TGFBI: variants seen among roughly 807,000 people sequenced by gnomAD.
TGFBI encodes the protein transforming growth factor beta induced, also known as transforming growth factor-beta-induced protein ig-h3.
TGFBI carries 50 observed loss-of-function variants against 73.7 expected under a neutral mutation model. The observed-to-expected ratio is 0.68, with a 90% CI of 0.54 to 0.86. TGFBI has a LOEUF of 0.86. Ranked by LOEUF, TGFBI falls within the 40% of genes least tolerant of loss-of-function variation. TGFBI has a pLI of 0.00. For synonymous variants in TGFBI, 362 were observed against 360.5 expected, an observed-to-expected ratio of 1.00 and a Z score of -0.05; for missense variants, 839 against 877.0, an observed-to-expected ratio of 0.96 and a Z score of 0.55.
chr5:136,054,073 A>G lies in TGFBI; in HGVS notation c.1257A>G (p.Val419=), dbSNP rs1751584015. ...CCCTCCTGGCTCCCCTGAATTCTGT[A>G]TTCAAAGGTAACATGGGGAAGGCAT... is the stretch of plus-strand genomic sequence containing the variant. ...RLTLLAPLNS[V]FKDGTPPIDA... Residue 419 remains valine (V), a synonymous_variant, in exon 9 of 17, where the codon GTA becomes GTG. Coordinates refer to ENST00000442011, the MANE Select transcript of TGFBI (RefSeq NM_000358.3). The G allele has an allele frequency of 1.2e-6, 2 of 1,612,634 alleles. No homozygotes were observed. Among genetic ancestry groups the G allele is most frequent in the Non-Finnish European group, 1.7e-6 (2 of 1,178,900 alleles).
intron 2 of TGFBI, among the ~76,000 whole-genome samples, 178 bp downstream of exon 2, chr5:136,034,039 G>A (rs890676374): frequency 1.3e-5 from 2 of 152,092 alleles, no homozygotes; most frequent in Non-Finnish European, 2.9e-5. Flanking sequence ...GGCCAATTTT[G>A]TTTTGCATTT....
At chr5:136,058,307 C>G (rs879288307) in intron 12 of TGFBI, among the ~76,000 whole-genome samples, 2 of 152,172 alleles carry the variant, frequency 1.3e-5, no homozygotes, top group Non-Finnish European at 2.9e-5. Context: ...AATAGCTGTT[C>G]ATAAGCCCTG....
Position 136,055,771 on chromosome 5 carries a change from C to A in TGFBI, c.1502C>A (p.Pro501Gln). ...ACGATGGACCGGGTGCTGACCCCCCCAATGGGGACTGTCATGGATGTCCTG... is the reference window on the plus strand; with the variant it reads ...ACGATGGACCGGGTGCTGACCCCCCAAATGGGGACTGTCATGGATGTCCTG... The part of the protein sequence containing the change: ...LFTMDRVLTP[P>Q]MGTVMDVLKG... Residue 501 changes from proline to glutamine, a missense_variant, in exon 11 of 17, where the codon CCA (proline) becomes CAA (glutamine). By Grantham distance (76) the Pro-to-Gln change is moderately conservative. Coordinates refer to ENST00000442011, the MANE Select transcript of TGFBI (RefSeq NM_000358.3). 1 of 1,612,716 alleles carries A rather than the reference C, an allele frequency of 6.2e-7. No homozygotes were observed. The highest frequency in any genetic ancestry group is 8.5e-7 in the Non-Finnish European group (1 of 1,179,088).
intron 10 of TGFBI, 150 bp from the exon 11 acceptor site, chr5:136,055,530 A>G: frequency 1.6e-6 from 1 of 642,458 alleles, no homozygotes; most frequent in Non-Finnish European, 2.3e-6. Context: ...TGGAGAAAAT[A>G]CATCATTTTA....
In TGFBI at chr5:136,054,166, AG is replaced by A. The variant is rs961713768; in HGVS notation, c.1264+87del. The A allele has an allele frequency of 2.6e-6, 4 of 1,534,380 alleles. No homozygotes were observed. In the African/African-American group the frequency reaches 4.1e-5, roughly 16 times the overall value. On this transcript the variant is annotated intron_variant, in intron 9 of 16. Transcript: ENST00000442011. ...ACCTCCACAACACTCTCCGATTTAC[AG>A]CACCCCATGGGACATTAGAACTTCC...
At chr5:136,057,120 G>GA (rs1392855240) in intron 12 of TGFBI, among the ~76,000 whole-genome samples, 2 of 152,118 alleles carry the variant, frequency 1.3e-5, no homozygotes, top group Non-Finnish European at 2.9e-5. Context: ...ATGCAAGGGG[G>GA]ACCACTCAGC....
intron 6 of TGFBI, 55 bp from the exon 7 acceptor site, chr5:136,049,384 C>G (rs1751491343): frequency 1.3e-6 from 2 of 1,595,492 alleles, no homozygotes; most frequent in South Asian, 2.2e-5. Flanking sequence ...TGTGCATCTT[C>G]TGTGGGGAGT....
intron 14 of TGFBI, chr5:136,061,240 C>T (rs45486897): frequency 0.039 from 22,666 of 576,620 alleles, 527 homozygotes; most frequent in Non-Finnish European, 0.049. Flanking sequence ...ACTCCTCTTA[C>T]AGCATCTCAC....
Position 136,033,862 on chromosome 5 carries a change from G to C in TGFBI, c.233+1G>C. On this transcript the variant is annotated splice_donor_variant, in intron 2 of 16. Transcript: ENST00000442011. LOFTEE classifies it high-confidence loss of function. ...AAAGGAAAATCTGTGGCAAATCAAC[G>C]TGAGTATCTGTAACCAGCCAGGAGA... 1 of 1,612,726 alleles carries C rather than the reference G, an allele frequency of 6.2e-7. No individual in the cohort carries two copies. Among genetic ancestry groups the C allele is most frequent in the Admixed American group, 1.7e-5 (1 of 59,962 alleles).
chr5:136,053,207 T>C (rs1580718686), intron 8 of TGFBI, 88 bp downstream of exon 8: 2 of 1,318,840 alleles, frequency 1.5e-6, no homozygotes, highest in East Asian at 2.4e-5. Flanking sequence ...AATTCAGAGA[T>C]CTTTGGGCGA....
At chr5:136,053,863 T>C in intron 8 of TGFBI, 80 bp from the exon 9 acceptor site, 1 of 1,585,902 alleles carries the variant, frequency 6.3e-7, no homozygotes, top group South Asian at 1.1e-5. Context: ...CCTGCTGATG[T>C]GTGTCATGCC....
At chr5:136,048,390 C>G (rs1751474598) in intron 6 of TGFBI, 1 of 152,272 alleles carries the variant, frequency 6.6e-6, no homozygotes, top group Admixed American at 6.5e-5. Flanking sequence ...CTCCATTTTG[C>G]CGATCTTTCC....
At chr5:136,044,200 G>T in intron 3 of TGFBI, 78 bp downstream of exon 3, 4 of 1,278,160 alleles carry the variant, frequency 3.1e-6, no homozygotes, top group South Asian at 1.2e-5. Flanking sequence ...CACATAAAAG[G>T]CAGCAGAGTG....
At chr5:136,044,475 A>C (rs1751391253) in intron 3 of TGFBI, among the ~76,000 whole-genome samples, 2 of 152,228 alleles carry the variant, frequency 1.3e-5, no homozygotes, top group Non-Finnish European at 2.9e-5. Context: ...TCAGCCTGAT[A>C]GCCCATCAGT....
chr5:136,034,574 A>C (rs2126902852), intron 2 of TGFBI, among the ~76,000 whole-genome samples: 1 of 151,866 alleles, frequency 6.6e-6, no homozygotes, highest in African/African-American at 2.4e-5. Flanking sequence ...AATCTAGACC[A>C]CACAAGCAGA....
intron 10 of TGFBI, chr5:136,055,424 G>A (rs949069370): frequency 5.3e-6 from 2 of 374,986 alleles, no homozygotes; most frequent in African/African-American, 2.1e-5. Flanking sequence ...GACCTCATGT[G>A]TAACTGATAT....
At chr5:136,054,882 C>T (rs749505637) in intron 10 of TGFBI, 21 bp downstream of exon 10, 21 of 1,611,154 alleles carry the variant, frequency 1.3e-5, no homozygotes, top group Non-Finnish European at 1.7e-5. Flanking sequence ...GGTCCTAAAT[C>T]ATGCTCCTGG....
At chr5:136,048,592 G>A (rs77817065) in intron 6 of TGFBI, 4 of 152,426 alleles carry the variant, frequency 2.6e-5, no homozygotes, top group East Asian at 1.9e-4. Flanking sequence ...CAGGTAAATC[G>A]GGAGTGACAG....
intron 6 of TGFBI, 48 bp from the exon 7 acceptor site, chr5:136,049,391 G>T (rs1279578744): frequency 1.9e-6 from 3 of 1,597,968 alleles, no homozygotes; most frequent in Non-Finnish European, 2.6e-6. Context: ...CTTCTGTGGG[G>T]AGTGCCAGAG....
Sources: gnomAD v4.1 joint callset for allele counts (sites outside exome capture counted in the v4.1 genomes callset) on GRCh38, gnomAD v4.1.1 for gene constraint, MANE v1.5 for transcripts, NCBI Gene and HGNC (gene_info 2026-07-23, HGNC 2026-07-21) for gene names.